The following KLHL1 variants were observed in gnomAD, a reference collection of about 807,000 sequenced individuals.
KLHL1 encodes the protein kelch-like protein 1.
KLHL1 carries 47 observed loss-of-function variants against 77.7 expected under a neutral mutation model. That is an observed-to-expected ratio of 0.60 (90% CI 0.48 to 0.77). KLHL1 has a LOEUF of 0.77. KLHL1 is among the 30% of genes least tolerant of loss of function. The pLI, the probability that KLHL1 is intolerant of heterozygous loss-of-function variation, is 0.00. For synonymous variants in KLHL1, 360 were observed against 325.2 expected (o/e 1.11, Z -1.15); for missense variants, 925 against 910.8 (o/e 1.02, Z -0.20).
At chr13:69,836,091 C>T (rs115822405) in intron 6 of KLHL1, among the ~76,000 whole-genome samples, 1,868 of 152,068 alleles carry the variant, frequency 0.012, 42 homozygotes, top group African/African-American at 0.042. Context: ...AAAGAGGGGA[C>T]GTGAATGGAA....
intron 1 of KLHL1, among the ~76,000 whole-genome samples, chr13:70,076,387 C>CTT (rs34821978): frequency 0.69 from 95,739 of 139,604 alleles, 32,776 homozygotes; most frequent in East Asian, 0.87. Flanking sequence ...AAAGGATAAT[C>CTT]TTTTTTTTTT....
At chr13:70,095,535 T>C (rs1012986733) in intron 1 of KLHL1, among the ~76,000 whole-genome samples, 2 of 152,178 alleles carry the variant, frequency 1.3e-5, no homozygotes, top group Non-Finnish European at 2.9e-5. Context: ...TTTAAGTTTT[T>C]AATTTTAAAT....
At chr13:70,030,026 T>G (rs1407142416) in intron 1 of KLHL1, among the ~76,000 whole-genome samples, 1 of 152,304 alleles carries the variant, frequency 6.6e-6, no homozygotes. Flanking sequence ...AAGGGATCAA[T>G]TCAACAAGAA....
At chr13:69,775,204 G>A (rs983960594) in intron 7 of KLHL1, among the ~76,000 whole-genome samples, 4 of 151,966 alleles carry the variant, frequency 2.6e-5, no homozygotes, top group Non-Finnish European at 5.9e-5. Flanking sequence ...CTAAACATAC[G>A]ATGCATTGGA....
At chr13:70,022,281 T>TG (rs67661890) in intron 1 of KLHL1, among the ~76,000 whole-genome samples, 8,847 of 134,618 alleles carry the variant, frequency 0.066, 288 homozygotes, top group Middle Eastern at 0.088. Flanking sequence ...ACGTGTGTGT[T>TG]TGTGTGTGTG....
chr13:69,915,470 C>A (rs1233617392), intron 4 of KLHL1, among the ~76,000 whole-genome samples: 2 of 152,116 alleles, frequency 1.3e-5, no homozygotes, highest in South Asian at 2.1e-4. Flanking sequence ...TTTGACAAAC[C>A]TGACAAAAAC....
intron 1 of KLHL1, among the ~76,000 whole-genome samples, chr13:70,043,429 T>C (rs995861059): frequency 1.5e-4 from 23 of 152,106 alleles, no homozygotes; most frequent in African/African-American, 5.5e-4. Flanking sequence ...TAAATAAATT[T>C]AGTGTAGCCA....
chr13:69,935,486 A>G (rs913918801), intron 4 of KLHL1, among the ~76,000 whole-genome samples: 1 of 152,196 alleles, frequency 6.6e-6, no homozygotes, highest in Non-Finnish European at 1.5e-5. Context: ...ACTCTAAAAA[A>G]TAAAAAAGGA....
intron 1 of KLHL1, among the ~76,000 whole-genome samples, chr13:70,100,525 G>A (rs1466582711): frequency 6.6e-6 from 1 of 151,956 alleles, no homozygotes; most frequent in African/African-American, 2.4e-5. Flanking sequence ...AGTAGAGACG[G>A]GGTTTCACTA....
At chr13:69,707,319 T>G (rs959654837) in intron 10 of KLHL1, among the ~76,000 whole-genome samples, 2 of 152,022 alleles carry the variant, frequency 1.3e-5, no homozygotes, top group African/African-American at 4.8e-5. Flanking sequence ...TGTGAACCAA[T>G]ATATTACACT....
Position 69,774,988 on chromosome 13 carries a change from T to A in KLHL1, c.1639+21750A>T, listed in dbSNP as rs144558237. 2.2e-3 allele frequency among the ~76,000 whole-genome samples: 334 copies of A among 152,316 alleles called. 7 individuals are homozygous for A. The South Asian group carries it at 0.028, about 13-fold the overall frequency. On this transcript the variant is annotated intron_variant, in intron 7 of 10. Transcript: ENST00000377844. ...GCTTCATGTCTTGTGGAAGGGGAAA[T>A]GCTTTTTGGAACAAACTTTAATCTG...
At chr13:69,720,174 T>C (rs1192443582) in intron 8 of KLHL1, among the ~76,000 whole-genome samples, 2 of 152,174 alleles carry the variant, frequency 1.3e-5, no homozygotes, top group Non-Finnish European at 2.9e-5. Context: ...TGAAAATTGC[T>C]GAAGTTTACT....
At chr13:70,006,105 G>A (rs868066728) in intron 1 of KLHL1, among the ~76,000 whole-genome samples, 3 of 152,108 alleles carry the variant, frequency 2.0e-5, no homozygotes, top group South Asian at 2.1e-4. Flanking sequence ...ATGATTTTAT[G>A]TAGTATTTGT....
At chr13:70,014,413 A>G (rs992254971) in intron 1 of KLHL1, among the ~76,000 whole-genome samples, 1 of 152,128 alleles carries the variant, frequency 6.6e-6, no homozygotes, top group Non-Finnish European at 1.5e-5. Context: ...TTGTTTGTTT[A>G]AAGAATGTCA....
chr13:70,008,141 T>C (rs2137333939), intron 1 of KLHL1, among the ~76,000 whole-genome samples: 1 of 152,204 alleles, frequency 6.6e-6, no homozygotes, highest in South Asian at 2.1e-4. Context: ...TAGAGTATTA[T>C]TTTCTACAGG....
At chr13:69,857,434 T>C (rs1879964232) in intron 5 of KLHL1, among the ~76,000 whole-genome samples, 1 of 152,096 alleles carries the variant, frequency 6.6e-6, no homozygotes, top group Non-Finnish European at 1.5e-5. Flanking sequence ...GTGGACATAT[T>C]ACTTATTATT....
At chr13:69,797,145 A>G (rs978535415) in intron 6 of KLHL1, among the ~76,000 whole-genome samples, 183 bp from the exon 7 acceptor site, 8 of 152,228 alleles carry the variant, frequency 5.3e-5, no homozygotes, top group Non-Finnish European at 1.2e-4. Flanking sequence ...CTTGGCAGAC[A>G]TGAATGATCA....
chr13:69,817,808 G>A (rs778720790), intron 6 of KLHL1, among the ~76,000 whole-genome samples: 13 of 152,110 alleles, frequency 8.5e-5, no homozygotes, highest in Non-Finnish European at 1.8e-4. Flanking sequence ...GAGTACTCAA[G>A]AATTTATAAT....
At chr13:69,795,496 G>T (rs1877063792) in intron 7 of KLHL1, among the ~76,000 whole-genome samples, 2 of 152,156 alleles carry the variant, frequency 1.3e-5, no homozygotes, top group Admixed American at 6.6e-5. Context: ...ATCTTTAAAA[G>T]AAAGTAATTT....
Sources: gnomAD v4.1 joint callset for allele counts (sites outside exome capture counted in the v4.1 genomes callset) on GRCh38, gnomAD v4.1.1 for gene constraint, MANE v1.5 for transcripts, NCBI Gene and HGNC (gene_info 2026-07-23, HGNC 2026-07-21) for gene names.